Variants in TMEM132D observed in about 807,000 individuals in gnomAD.
TMEM132D encodes the protein transmembrane protein 132D, also known as mature OL transmembrane protein.
In TMEM132D, 21 loss-of-function variants were observed where a neutral mutation model predicts 62.3. The observed-to-expected ratio is 0.34, with a 90% CI of 0.24 to 0.49. The LOEUF (loss-of-function observed/expected upper bound fraction) is 0.49. Among genes scored for constraint, TMEM132D ranks in the 20% least tolerant of loss-of-function variants. The pLI is 0.99. For synonymous variants in TMEM132D, 621 were observed against 575.6 expected, an observed-to-expected ratio of 1.08 and a Z score of -1.13; for missense variants, 1,346 against 1,402.8, an observed-to-expected ratio of 0.96 and a Z score of 0.65.
At chr12:129,688,679 A>G (rs921483602) in intron 2 of TMEM132D, among the ~76,000 whole-genome samples, 2 of 151,964 alleles carry the variant, frequency 1.3e-5, no homozygotes, top group Admixed American at 1.3e-4. Flanking sequence ...CCAATATTTC[A>G]TGAGTGACTG....
intron 1 of TMEM132D, among the ~76,000 whole-genome samples, chr12:129,756,057 TAGG>T (rs1293638380): frequency 6.6e-6 from 1 of 152,158 alleles, no homozygotes; most frequent in African/African-American, 2.4e-5. Context: ...ATTCTTTTCA[TAGG>T]AGGTCTCTAA....
At chr12:129,179,597 T>C (rs1337376897) in intron 5 of TMEM132D, among the ~76,000 whole-genome samples, 2 of 152,234 alleles carry the variant, frequency 1.3e-5, no homozygotes, top group African/African-American at 2.4e-5. Flanking sequence ...GAAAATGAAC[T>C]CACAACGAAC....
At chr12:129,224,721 C>T (rs981207364) in intron 4 of TMEM132D, among the ~76,000 whole-genome samples, 4 of 152,194 alleles carry the variant, frequency 2.6e-5, no homozygotes, top group African/African-American at 7.2e-5. Context: ...GACTGGCCAA[C>T]ATGGCAAAAC....
intron 1 of TMEM132D, among the ~76,000 whole-genome samples, chr12:129,729,520 T>C (rs1285805837): frequency 1.3e-5 from 2 of 149,484 alleles, no homozygotes; most frequent in African/African-American, 2.5e-5. Flanking sequence ...GGTCTAGTCA[T>C]ACTGGAATAC....
chr12:129,317,883 A>T (rs192788554), intron 4 of TMEM132D, among the ~76,000 whole-genome samples: 1 of 152,116 alleles, frequency 6.6e-6, no homozygotes, highest in Admixed American at 6.5e-5. Flanking sequence ...GTTAATTCAA[A>T]GATCTTGTCT....
At chr12:129,433,711 C>T (rs1449287125) in intron 3 of TMEM132D, among the ~76,000 whole-genome samples, 1 of 152,122 alleles carries the variant, frequency 6.6e-6, no homozygotes, top group Non-Finnish European at 1.5e-5. Flanking sequence ...CCTGGGTCTC[C>T]AAGAGCAAGG....
intron 3 of TMEM132D, among the ~76,000 whole-genome samples, chr12:129,405,442 C>T (rs1871752920): frequency 6.6e-6 from 1 of 152,130 alleles, no homozygotes; most frequent in Non-Finnish European, 1.5e-5. Flanking sequence ...AAACATTCAG[C>T]CCATAACTAT....
At chr12:129,710,388 C>T (rs973174326) in intron 1 of TMEM132D, among the ~76,000 whole-genome samples, 5 of 152,108 alleles carry the variant, frequency 3.3e-5, no homozygotes, top group African/African-American at 1.2e-4. Context: ...CTCCACCTCC[C>T]GTGTTCAAGT....
At chr12:129,244,057 G>A (rs1487512760) in intron 4 of TMEM132D, among the ~76,000 whole-genome samples, 1 of 152,124 alleles carries the variant, frequency 6.6e-6, no homozygotes, top group East Asian at 1.9e-4. Flanking sequence ...AAGGACTGGA[G>A]CAACAGTGAG....
At chr12:129,699,394 G>T (rs1012592049) in intron 2 of TMEM132D, among the ~76,000 whole-genome samples, 12 of 152,272 alleles carry the variant, frequency 7.9e-5, no homozygotes, top group African/African-American at 2.9e-4. Flanking sequence ...ATTTTGAGTT[G>T]GCAAAACCGT....
intron 2 of TMEM132D, among the ~76,000 whole-genome samples, chr12:129,551,466 T>C (rs944803714): frequency 1.3e-5 from 2 of 152,228 alleles, no homozygotes; most frequent in African/African-American, 4.8e-5. Flanking sequence ...ATATTGTCCC[T>C]AATGTAATTT....
At chr12:129,306,313 ACTT>A (rs1378064472) in intron 4 of TMEM132D, among the ~76,000 whole-genome samples, 4 of 152,212 alleles carry the variant, frequency 2.6e-5, no homozygotes, top group African/African-American at 9.6e-5. Flanking sequence ...AAATCAAGTA[ACTT>A]CTTCTGGCTT....
chr12:129,160,961 ACT>A (rs1298042226), intron 5 of TMEM132D, among the ~76,000 whole-genome samples: 1 of 152,196 alleles, frequency 6.6e-6, no homozygotes, highest in Admixed American at 6.5e-5. Context: ...CGGTTGCATC[ACT>A]CTCTGCAGAA....
chr12:129,751,252 C>T (rs1055624851), intron 1 of TMEM132D, among the ~76,000 whole-genome samples: 2 of 151,968 alleles, frequency 1.3e-5, no homozygotes, highest in African/African-American at 4.8e-5. Flanking sequence ...TGGTGGGAGG[C>T]AAAGGAGGAG....
At position 129,253,851 on chromosome 12, in the gene TMEM132D, G is replaced by A. The variant is rs937409169; in HGVS notation, c.1300-44188C>T. Among the ~76,000 whole-genome samples, 31 of 152,274 alleles carry A rather than the reference G, an allele frequency of 2.0e-4. 1 individual carries two copies. Among genetic ancestry groups the A allele is most frequent in the African/African-American group, 6.5e-4 (27 of 41,572 alleles). Reference sequence around the variant, plus strand: ...GAGTCCTTCCACGGGAATTAACATGGGGAGAAATACAGGCACAGTAGCAAA... The same window carrying A: ...GAGTCCTTCCACGGGAATTAACATGAGGAGAAATACAGGCACAGTAGCAAA... On this transcript the variant is annotated intron_variant, in intron 4 of 8. Coordinates refer to ENST00000422113, the MANE Select transcript of TMEM132D (RefSeq NM_133448.3).
intron 2 of TMEM132D, among the ~76,000 whole-genome samples, chr12:129,692,834 C>A (rs1203847452): frequency 6.6e-6 from 1 of 151,964 alleles, no homozygotes; most frequent in African/African-American, 2.4e-5. Context: ...ACAACATTCA[C>A]TGGGGCCTGT....
At chr12:129,708,711 G>A (rs1881567318) in intron 1 of TMEM132D, among the ~76,000 whole-genome samples, 1 of 145,810 alleles carries the variant, frequency 6.9e-6, no homozygotes, top group African/African-American at 2.5e-5. Flanking sequence ...ATACTTTGTA[G>A]TGTTAGTCCC....
At chr12:129,190,840 T>C (rs1486634) in intron 5 of TMEM132D, among the ~76,000 whole-genome samples, 128,064 of 152,036 alleles carry the variant, frequency 0.84, 54,681 homozygotes, top group Admixed American at 0.91. Flanking sequence ...ATACAGATTC[T>C]GAGCCCATAT....
At chr12:129,871,913 G>C (rs1030629708) in intron 1 of TMEM132D, among the ~76,000 whole-genome samples, 3 of 152,142 alleles carry the variant, frequency 2.0e-5, no homozygotes, top group Non-Finnish European at 4.4e-5. Context: ...GCCTCCATAG[G>C]CCAGGCCTAC....
Sources: gnomAD v4.1 joint callset for allele counts (sites outside exome capture counted in the v4.1 genomes callset) on GRCh38, gnomAD v4.1.1 for gene constraint, MANE v1.5 for transcripts, NCBI Gene and HGNC (gene_info 2026-07-23, HGNC 2026-07-21) for gene names.